Variants in GRM3 observed in about 807,000 individuals in gnomAD.
GRM3 encodes metabotropic glutamate receptor 3.
A neutral mutation model predicts 70.5 loss-of-function variants in GRM3; 26 were observed. That is an observed-to-expected ratio of 0.37 (90% CI 0.27 to 0.51). GRM3 has a LOEUF of 0.51. GRM3 is among the 20% of genes least tolerant of loss of function. The probability of loss-of-function intolerance (pLI) is 0.93; values close to 1 mark genes in which losing one functional copy is unlikely to be tolerated. For missense variants in GRM3, 859 were observed against 1,123.8 expected (o/e 0.76, Z 3.37); for synonymous variants, 443 against 434.9 (o/e 1.02, Z -0.23).
At chr7:86,668,377 A>G (rs1562819487) in intron 1 of GRM3, among the ~76,000 whole-genome samples, 1 of 152,210 alleles carries the variant, frequency 6.6e-6, no homozygotes, top group East Asian at 1.9e-4. Context: ...CTAAATAGCT[A>G]CTAGGGAAAT....
chr7:86,647,969 TCTC>T (rs1480105188), intron 1 of GRM3, among the ~76,000 whole-genome samples: 1 of 152,234 alleles, frequency 6.6e-6, no homozygotes, highest in Non-Finnish European at 1.5e-5. Flanking sequence ...AGCTTAATTT[TCTC>T]CTGATTATAT....
intron 1 of GRM3, among the ~76,000 whole-genome samples, chr7:86,711,175 TAA>T (rs1795191374): frequency 1.3e-5 from 2 of 151,676 alleles, no homozygotes; most frequent in South Asian, 2.1e-4. Flanking sequence ...TAATTTAATT[TAA>T]TTTAATTTTA....
intron 1 of GRM3, among the ~76,000 whole-genome samples, chr7:86,647,433 G>T (rs999588375): frequency 2.6e-5 from 4 of 152,114 alleles, no homozygotes; most frequent in Non-Finnish European, 4.4e-5. Flanking sequence ...CTAAACAAAA[G>T]AAATGAAAAT....
At chr7:86,812,408 A>C (rs578028617) in intron 3 of GRM3, among the ~76,000 whole-genome samples, 1 of 151,948 alleles carries the variant, frequency 6.6e-6, no homozygotes, top group South Asian at 2.1e-4. Context: ...GCAACTGAAA[A>C]AAAGGGAGAA....
At chr7:86,772,822 GT>G (rs1165099148) in intron 2 of GRM3, among the ~76,000 whole-genome samples, 1 of 152,042 alleles carries the variant, frequency 6.6e-6, no homozygotes, top group Non-Finnish European at 1.5e-5. Context: ...CATTTAGGGA[GT>G]TTAGTACTGC....
At chr7:86,833,143 T>C (rs958833000) in intron 3 of GRM3, 12 of 972,840 alleles carry the variant, frequency 1.2e-5, no homozygotes, top group Non-Finnish European at 1.1e-5. Flanking sequence ...CCCTGGAGTT[T>C]CTTCACGCCA....
intron 1 of GRM3, among the ~76,000 whole-genome samples, chr7:86,754,630 C>A (rs759164466): frequency 3.3e-5 from 5 of 152,024 alleles, no homozygotes; most frequent in Non-Finnish European, 7.4e-5. Context: ...GAACATTAAC[C>A]ATAGTTTTAG....
At chr7:86,818,104 A>G (rs1000061972) in intron 3 of GRM3, among the ~76,000 whole-genome samples, 1 of 152,026 alleles carries the variant, frequency 6.6e-6, no homozygotes, top group African/African-American at 2.4e-5. Flanking sequence ...CGATCCATCT[A>G]TAGAAATCCT....
At chr7:86,792,416 G>A (rs979599134) in intron 3 of GRM3, among the ~76,000 whole-genome samples, 3 of 152,190 alleles carry the variant, frequency 2.0e-5, no homozygotes, top group African/African-American at 7.2e-5. Flanking sequence ...ACTGCCAGAA[G>A]TGCCCCAAGA....
chr7:86,678,567 G>A (rs1794365258), intron 1 of GRM3, among the ~76,000 whole-genome samples: 1 of 151,942 alleles, frequency 6.6e-6, no homozygotes, highest in South Asian at 2.1e-4. Context: ...AAGCCCAAGG[G>A]ATTTATATGC....
intron 1 of GRM3, among the ~76,000 whole-genome samples, chr7:86,710,590 T>TGGGGGGGGGG (rs1795173913): frequency 1.5e-4 from 1 of 6,842 alleles, no homozygotes; most frequent in African/African-American, 5.7e-4. Flanking sequence ...AGGGGGCGGG[T>TGGGGGGGGGG]GGTGGGGAGA....
In GRM3 at chr7:86,836,384, T is replaced by C. The variant is rs560450625; in HGVS notation, c.1325-2455T>C. Among the ~76,000 whole-genome samples the C allele has an allele frequency of 9.8e-5, 15 of 152,286 alleles. No homozygotes were observed. In the South Asian group the frequency reaches 3.1e-3, roughly 32 times the overall value. ...AAAACTATAAGAATATTTAAGTAGC[T>C]TGGTACTTAGCTACAAGATAATAGT... is the stretch of plus-strand genomic sequence containing the variant. On this transcript the variant is annotated intron_variant, in intron 3 of 5. Transcript: ENST00000361669.
At position 86,839,525 on chromosome 7, in the gene GRM3, G is replaced by A. The variant is rs138880384; in HGVS notation, c.2011G>A (p.Asp671Asn). The change falls in exon 4 of 6, where the codon GAT (aspartate) becomes AAT (asparagine). Residue 671 changes from aspartate (D) to asparagine (N), a missense_variant. By Grantham distance (23) the Asp-to-Asn change is conservative. Transcript: ENST00000361669. The surrounding 1 kb of genome is among the most constrained non-coding windows in gnomAD (Gnocchi z 4.5). ...TKTNCIARIFDGVKNGAQRPK... is the reference protein window; with the variant it reads ...TKTNCIARIFNGVKNGAQRPK... The stretch of plus-strand genomic sequence containing the variant: ...GACAAACTGCATTGCCCGCATCTTC[G>A]ATGGGGTCAAGAATGGCGCTCAGAG... 3.5e-5 allele frequency: 57 copies of A among 1,607,338 alleles called. 1 individual carries two copies. In the African/African-American group the frequency reaches 4.4e-4, roughly 12 times the overall value.
At chr7:86,777,592 A>G (rs1796927486) in intron 2 of GRM3, among the ~76,000 whole-genome samples, 1 of 152,226 alleles carries the variant, frequency 6.6e-6, no homozygotes, top group African/African-American at 2.4e-5. Context: ...TCTAAAATCA[A>G]CATTAATTCC....
intron 4 of GRM3, among the ~76,000 whole-genome samples, chr7:86,846,174 CA>C (rs1234504306): frequency 6.6e-6 from 1 of 152,166 alleles, no homozygotes; most frequent in Non-Finnish European, 1.5e-5. Context: ...CGCCCAAATA[CA>C]AATCAGTGCC....
chr7:86,843,889 T>C (rs1169069934), intron 4 of GRM3, among the ~76,000 whole-genome samples: 4 of 152,166 alleles, frequency 2.6e-5, no homozygotes, highest in Non-Finnish European at 4.4e-5. Flanking sequence ...TACTGCAGTT[T>C]ATCTCAAATT....
At position 86,776,398 on chromosome 7, in the gene GRM3, T is replaced by C. The variant is rs187818882; in HGVS notation, c.469-9863T>C. ...CAATACCATTTGCTTCTTTTGTGTC[T>C]GACAGCTCTGTTGAAGTAAAGAGTA... On this transcript the variant is annotated intron_variant, in intron 2 of 5. Transcript: ENST00000361669. Among the ~76,000 whole-genome samples, 27 of 152,306 alleles carry C rather than the reference T, an allele frequency of 1.8e-4. No homozygotes were observed. In the East Asian group the frequency reaches 4.8e-3, roughly 27 times the overall value.
intron 1 of GRM3, among the ~76,000 whole-genome samples, chr7:86,645,360 C>G (rs1479558359): frequency 6.6e-6 from 1 of 152,132 alleles, no homozygotes; most frequent in Non-Finnish European, 1.5e-5. Context: ...AGCTCCGAAG[C>G]CGGAGGCGGC....
At chr7:86,740,711 G>T (rs1037008567) in intron 1 of GRM3, among the ~76,000 whole-genome samples, 3 of 152,116 alleles carry the variant, frequency 2.0e-5, no homozygotes, top group Non-Finnish European at 4.4e-5. Context: ...AAAAATTCTC[G>T]AGTCATTTCA....
Sources: allele counts gnomAD v4.1 joint callset (sites outside exome capture counted in the v4.1 genomes callset), GRCh38; gene constraint gnomAD v4.1.1; non-coding constraint Gnocchi (gnomAD v3.1); transcripts MANE v1.5; gene names NCBI Gene and HGNC (gene_info 2026-07-23, HGNC 2026-07-21).